The following DNMT1 variants were observed in gnomAD, a reference collection of about 807,000 sequenced individuals.
DNMT1 encodes the protein DNA (cytosine-5)-methyltransferase 1.
DNMT1 carries 24 observed loss-of-function variants against 205.3 expected under a neutral mutation model. That is an observed-to-expected ratio of 0.12 (90% CI 0.08 to 0.16). DNMT1 has a LOEUF of 0.16. Among genes scored for constraint, DNMT1 ranks in the 10% least tolerant of loss-of-function variants. The pLI is 1.00. For synonymous variants in DNMT1, 817 were observed against 839.8 expected (o/e 0.97, Z 0.47); for missense variants, 1,293 against 2,177.7 (o/e 0.59, Z 8.09).
chr19:10,165,914 G>A (rs1449804989), intron 11 of DNMT1, among the ~76,000 whole-genome samples: 1 of 152,166 alleles, frequency 6.6e-6, no homozygotes, highest in Non-Finnish European at 1.5e-5. Context: ...ACTGGCGACC[G>A]GGTCAGAAGT....
rs775284104 is a variant in DNMT1 at position 10,166,607 on chromosome 19, T to C, written c.882A>G (p.Gly294=). Residue 294 remains glycine (G), a synonymous_variant, in exon 11 of 41, where the codon GGA becomes GGG. Transcript: ENST00000359526. The part of the protein sequence containing the change: ...AGVQADEDED[G]DEKDEKKHRS... ...AATAACCCGCCTTTACTTTCTCGTCTCCATCTTCGTCCTCGTCAGCCTGCA... is the reference window on the plus strand; with the variant it reads ...AATAACCCGCCTTTACTTTCTCGTCCCCATCTTCGTCCTCGTCAGCCTGCA... The C allele has an allele frequency of 1.9e-6, 3 of 1,614,130 alleles. No individual in the cohort carries two copies. Among genetic ancestry groups the C allele is most frequent in the Non-Finnish European group, 2.5e-6 (3 of 1,180,002 alleles).
Position 10,140,165 on chromosome 19 carries a change from C to A in DNMT1, c.3687G>T (p.Gln1229His). Residue 1229 changes from glutamine to histidine, a missense_variant, in exon 33 of 41, where the codon CAG (glutamine) becomes CAT (histidine). Gln to His is a conservative substitution (Grantham distance 24). Around this residue, in one of 13 missense-constraint regions of DNMT1, gnomAD observed 24 missense variants for 27.2 expected, o/e 0.88. Transcript: ENST00000359526. The surrounding 1 kb of genome is among the most constrained non-coding windows in gnomAD (Gnocchi z 8.4). ...CGCACAGCATCTCCACGTCTCCCTTCTGGGGCAGCCGCTGGCCGCGGGAGT... is the reference window on the plus strand; with the variant it reads ...CGCACAGCATCTCCACGTCTCCCTTATGGGGCAGCCGCTGGCCGCGGGAGT... ...TTNSRGQRLPQKGDVEMLCGG... is the reference protein window; with the variant it reads ...TTNSRGQRLPHKGDVEMLCGG... The A allele has an allele frequency of 1.2e-6, 2 of 1,613,828 alleles. No individual in the cohort carries two copies. Among genetic ancestry groups the A allele is most frequent in the Non-Finnish European group, 1.7e-6 (2 of 1,180,042 alleles).
In DNMT1 at chr19:10,140,546, T is replaced by A; in HGVS notation, c.3524-218A>T. 1.1e-6 allele frequency: 1 copy of A among 907,906 alleles called. No individual in the cohort carries two copies. Among genetic ancestry groups the A allele is most frequent in the Admixed American group, 2.4e-5 (1 of 41,846 alleles). The allele number at this position is 907,906 out of a possible 1,614,324, so 56.2% of individuals were successfully genotyped here. ...CACCACGCCCAGCTAATTTTTGTAT[T>A]CTTATTAGAGACGGGGTTTCACCAT... On this transcript the variant is annotated intron_variant, in intron 32 of 40. Coordinates refer to ENST00000359526, the MANE Select transcript of DNMT1 (RefSeq NM_001130823.3). The surrounding 1 kb of genome is among the most constrained non-coding windows in gnomAD (Gnocchi z 8.4).
intron 27 of DNMT1, among the ~76,000 whole-genome samples, chr19:10,148,420 C>T (rs1157163280): frequency 1.3e-5 from 2 of 148,984 alleles, no homozygotes; most frequent in African/African-American, 2.5e-5. Flanking sequence ...GGCATGAACC[C>T]AGGAAGCTGA....
intron 14 of DNMT1, 106 bp from the exon 15 acceptor site, chr19:10,160,169 C>G: frequency 1.3e-6 from 2 of 1,589,966 alleles, no homozygotes; most frequent in South Asian, 2.2e-5. Flanking sequence ...CACAGGGAGG[C>G]ACCGGCTGTG....
intron 7 of DNMT1, 148 bp from the exon 8 acceptor site, chr19:10,174,053 T>C: frequency 2.6e-6 from 2 of 782,074 alleles, no homozygotes; most frequent in Non-Finnish European, 4.3e-6. Context: ...GGGGAGAAGA[T>C]CTGAGAAACT....
chr19:10,140,666 C>A lies in DNMT1; in HGVS notation c.3523+115G>T. On this transcript the variant is annotated intron_variant, in intron 32 of 40. Coordinates refer to ENST00000359526, the MANE Select transcript of DNMT1 (RefSeq NM_001130823.3). The surrounding 1 kb of genome is among the most constrained non-coding windows in gnomAD (Gnocchi z 8.4). ...TACAGGCGTGCGCCACCGTGCCTGG[C>A]CTCGGAAGGAGATTCTTGAGTCAGG... 1 of 1,580,920 alleles carries A rather than the reference C, an allele frequency of 6.3e-7. No individual in the cohort carries two copies. The highest frequency in any genetic ancestry group is 8.7e-7 in the Non-Finnish European group (1 of 1,153,968).
intron 6 of DNMT1, 140 bp from the exon 7 acceptor site, chr19:10,175,758 T>C (rs767310306): frequency 1.2e-6 from 1 of 834,144 alleles, no homozygotes; most frequent in Non-Finnish European, 2.0e-6. Context: ...TAGAATGTTG[T>C]CTTGCCATCT....
At chr19:10,186,576 T>C (rs1417845622) in intron 1 of DNMT1, among the ~76,000 whole-genome samples, 2 of 152,006 alleles carry the variant, frequency 1.3e-5, no homozygotes, top group Admixed American at 1.3e-4. Flanking sequence ...CGGTGGCTCA[T>C]GCCTGTAATC....
At chr19:10,175,685 G>A in intron 6 of DNMT1, 67 bp from the exon 7 acceptor site, 3 of 1,458,816 alleles carry the variant, frequency 2.1e-6, no homozygotes, top group South Asian at 2.3e-5. Context: ...GCCTGAAGTG[G>A]ACCCTCATTC....
chr19:10,155,727 T>G (rs996274202), intron 19 of DNMT1, 126 bp downstream of exon 19: 1 of 985,024 alleles, frequency 1.0e-6, no homozygotes, highest in African/African-American at 1.6e-5. Context: ...CCTGCTAAGG[T>G]TCCCAGTCAC....
In DNMT1 at chr19:10,137,926, A is replaced by G; in HGVS notation, c.4199T>C (p.Leu1400Pro). 1 of 1,612,824 alleles carries G rather than the reference A, an allele frequency of 6.2e-7. No individual in the cohort carries two copies. Among genetic ancestry groups the G allele is most frequent in the Non-Finnish European group, 8.5e-7 (1 of 1,179,672 alleles). The stretch of plus-strand genomic sequence containing the variant: ...AGGCTCCCCGTTGTAGGAGATCTCC[A>G]GTGCCGAGGCTCCATTCCGCACCTC... Reference protein sequence around the residue: ...LPEVRNGASALEISYNGEPQS... With the variant: ...LPEVRNGASAPEISYNGEPQS... The change falls in exon 36 of 41, where the codon CTG becomes CCG. Residue 1400 changes from leucine (L) to proline (P), a missense_variant. Around this residue, in one of 13 missense-constraint regions of DNMT1, gnomAD observed 148 missense variants for 256.1 expected, o/e 0.58. Coordinates refer to ENST00000359526, the MANE Select transcript of DNMT1 (RefSeq NM_001130823.3). This position sits in a 1 kb window ranked among gnomAD's most constrained non-coding sequence, Gnocchi z 6.4.
chr19:10,153,645 A>T (rs1599364626), intron 22 of DNMT1, among the ~76,000 whole-genome samples: 2 of 106,394 alleles, frequency 1.9e-5, no homozygotes, highest in East Asian at 5.9e-4. Flanking sequence ...AAAAAAATTA[A>T]AAAAAAAAAA....
intron 9 of DNMT1, 85 bp downstream of exon 9, chr19:10,173,005 C>A: frequency 2.0e-6 from 3 of 1,507,198 alleles, no homozygotes; most frequent in East Asian, 2.3e-5. Context: ...ACGTTCCCCA[C>A]CCCCTGTCCC....
chr19:10,163,541 C>T (rs2038626075), intron 11 of DNMT1, among the ~76,000 whole-genome samples, 181 bp from the exon 12 acceptor site: 1 of 152,164 alleles, frequency 6.6e-6, no homozygotes, highest in African/African-American at 2.4e-5. Context: ...CTTTCCCTCA[C>T]TTAATTCCCC....
chr19:10,134,748 C>T (rs1011403476), intron 39 of DNMT1, among the ~76,000 whole-genome samples: 2 of 151,382 alleles, frequency 1.3e-5, no homozygotes, highest in East Asian at 2.0e-4. Context: ...ATCCCAGCAC[C>T]TCAGGAGGCT....
intron 5 of DNMT1, among the ~76,000 whole-genome samples, chr19:10,177,864 T>C (rs1365424919): frequency 6.8e-6 from 1 of 146,358 alleles, no homozygotes; most frequent in Non-Finnish European, 1.5e-5. Flanking sequence ...ACCCAGGAGA[T>C]GGGGGTTGCC....
intron 24 of DNMT1, among the ~76,000 whole-genome samples, chr19:10,150,634 G>A (rs1333887379): frequency 2.0e-5 from 3 of 152,206 alleles, no homozygotes; most frequent in Admixed American, 6.5e-5. Flanking sequence ...ATTTATGGAC[G>A]TCAGAGAAGC....
intron 13 of DNMT1, among the ~76,000 whole-genome samples, chr19:10,162,364 G>A (rs1019274696): frequency 2.0e-5 from 3 of 151,650 alleles, no homozygotes; most frequent in African/African-American, 7.3e-5. Flanking sequence ...CCACCTCCCA[G>A]GCTCAAGCGA....
Sources: allele counts gnomAD v4.1 joint callset (sites outside exome capture counted in the v4.1 genomes callset), GRCh38; gene constraint gnomAD v4.1.1; regional missense constraint gnomAD v4.1.1; non-coding constraint Gnocchi (gnomAD v3.1); transcripts MANE v1.5; gene names NCBI Gene and HGNC (gene_info 2026-07-23, HGNC 2026-07-21).